DACH2: variants seen among roughly 807,000 people sequenced by gnomAD.
DACH2 encodes dachshund homolog 2.
Under a neutral mutation model 35.8 loss-of-function variants are expected in DACH2, and 17 were observed. That is an observed-to-expected ratio of 0.48 (90% confidence interval 0.33 to 0.71). DACH2 has a LOEUF of 0.71. Ranked by LOEUF, DACH2 falls within the 30% of genes least tolerant of loss-of-function variation. DACH2 has a pLI of 0.02. For synonymous variants in DACH2, 195 were observed against 177.3 expected (o/e 1.10, Z -0.79); for missense variants, 469 against 472.7 (o/e 0.99, Z 0.07).
chrX:86,577,351 C>A (rs182027947), intron 3 of DACH2, among the ~76,000 whole-genome samples: 2 of 110,663 alleles, frequency 1.8e-5, no homozygotes, highest in Non-Finnish European at 3.8e-5. Context: ...TTCTTTATAG[C>A]AAAATTCTCT....
chrX:86,578,214 G>C (rs1050582932), intron 3 of DACH2, among the ~76,000 whole-genome samples: 4 of 110,867 alleles, frequency 3.6e-5, no homozygotes, highest in Admixed American at 9.6e-5. Context: ...AAATTCAGCT[G>C]GTGTCACTGC....
intron 1 of DACH2, among the ~76,000 whole-genome samples, chrX:86,340,415 G>A (rs1394771969): frequency 1.8e-5 from 2 of 111,510 alleles, no homozygotes; most frequent in African/African-American, 6.5e-5. Flanking sequence ...CCACAGCAGT[G>A]TAAATGGCAA....
intron 11 of DACH2, chrX:86,828,025 T>C (rs2042578520): frequency 7.4e-6 from 2 of 271,330 alleles, no homozygotes; most frequent in African/African-American, 1.2e-4. Flanking sequence ...CTTTAACCTC[T>C]TTCTTTCAAG....
At chrX:86,622,343 G>A (rs1006790550) in intron 3 of DACH2, among the ~76,000 whole-genome samples, 5 of 111,492 alleles carry the variant, frequency 4.5e-5, no homozygotes, top group Non-Finnish European at 9.4e-5. Flanking sequence ...GTTAGCTTTT[G>A]ATCTCAGCCT....
chrX:86,749,302 A>G (rs942223481), intron 7 of DACH2, among the ~76,000 whole-genome samples: 2 of 112,111 alleles, frequency 1.8e-5, no homozygotes, highest in Non-Finnish European at 3.8e-5. Context: ...CTTTCAGCCT[A>G]TCTTGGCTTT....
intron 3 of DACH2, among the ~76,000 whole-genome samples, chrX:86,539,307 G>A (rs1460152257): frequency 9.0e-6 from 1 of 111,215 alleles, no homozygotes; most frequent in Non-Finnish European, 1.9e-5. Context: ...TAAGTTTCCT[G>A]AGGTCTCCTC....
chrX:86,168,122 A>G (rs970188234), intron 1 of DACH2, among the ~76,000 whole-genome samples: 2 of 111,622 alleles, frequency 1.8e-5, no homozygotes, highest in Non-Finnish European at 3.8e-5. Flanking sequence ...GATCTGTGCA[A>G]TGTTGAAAGT....
intron 4 of DACH2, among the ~76,000 whole-genome samples, chrX:86,667,610 AAGAAAGGC>A (rs1201597984): frequency 2.3e-4 from 22 of 96,213 alleles, no homozygotes; most frequent in Non-Finnish European, 3.1e-4. Context: ...GAAAGAAAGA[AAGAAAGGC>A]AGGCAGGCCC....
In DACH2 at chrX:86,813,140, A is replaced by G. The variant is rs774223472; in HGVS notation, c.1400A>G (p.Lys467Arg). The change falls in exon 9 of 12, where the codon AAA (lysine) becomes AGA (arginine). Residue 467 changes from lysine to arginine, a missense_variant. This residue lies in a region of DACH2 where 363 missense variants were observed against 334.4 expected (regional missense o/e 1.09). Transcript: ENST00000373125. ...CCTGTACCTTGACAGGGTCTGCTGA[A>G]AGTTGCTTTGGATAATGCTCGCATC... ...TLLTNIQGLL[K>R]VALDNARIQE... The G allele has an allele frequency of 8.3e-7, 1 of 1,205,236 alleles. No homozygotes were observed. The highest frequency in any genetic ancestry group is 3.0e-5 in the East Asian group (1 of 33,645).
intron 1 of DACH2, among the ~76,000 whole-genome samples, chrX:86,221,955 GAGAA>G (rs2032722174): frequency 8.9e-6 from 1 of 111,990 alleles, no homozygotes; most frequent in South Asian, 3.7e-4. Flanking sequence ...CATGCTGGGA[GAGAA>G]AGAGAGAGAC....
rs764980235 is a variant in DACH2, at chrX:86,483,141, TA to T, written c.528-31128del. 1.3e-3 allele frequency among the ~76,000 whole-genome samples: 92 copies of T among 73,183 alleles called. 1 individual carries two copies. The highest frequency in any genetic ancestry group is 7.2e-3 in the Middle Eastern group (1 of 139). 63.6% of individuals were successfully genotyped at this position (73,183 alleles called of 115,157 possible). A position where few individuals can be genotyped will look rare whatever the true frequency, so the allele number is the denominator to read the frequency against. ...TACCCTAAAACTTAAAGTATAATAA[TA>T]AAAAAAAAACAAGCATAAAAAAAAA... On this transcript the variant is annotated intron_variant, in intron 2 of 11. Coordinates refer to ENST00000373125, the MANE Select transcript of DACH2 (RefSeq NM_053281.3).
chrX:86,549,022 T>A (rs778062260), intron 3 of DACH2, among the ~76,000 whole-genome samples: 1 of 111,723 alleles, frequency 9.0e-6, no homozygotes, highest in Non-Finnish European at 1.9e-5. Flanking sequence ...CCCTTAAATC[T>A]TGGAGGAGGG....
chrX:86,435,151 C>T (rs964691462), intron 2 of DACH2, among the ~76,000 whole-genome samples: 2 of 111,249 alleles, frequency 1.8e-5, no homozygotes, highest in Non-Finnish European at 1.9e-5. Context: ...TCACAGAATT[C>T]GGTAAGAAAA....
At chrX:86,479,480 G>T (rs183028688) in intron 2 of DACH2, among the ~76,000 whole-genome samples, 1 of 111,440 alleles carries the variant, frequency 9.0e-6, no homozygotes, top group East Asian at 2.8e-4. Flanking sequence ...ACTGCTTGAT[G>T]TCCTATAACT....
At position 86,428,769 on chromosome X, in the gene DACH2, GA is replaced by G. The variant is rs1189079359; in HGVS notation, c.527+51920del. On this transcript the variant is annotated intron_variant, in intron 2 of 11. Transcript: ENST00000373125. Reference sequence around the variant, plus strand: ...TAAGTTTCGATTCACTAGGTTTTTTGAAAAAAAAAAAAATTTCAAACTCTTT... The same window carrying G: ...TAAGTTTCGATTCACTAGGTTTTTTGAAAAAAAAAAAATTTCAAACTCTTT... Among the ~76,000 whole-genome samples the G allele has an allele frequency of 7.5e-3, 736 of 98,415 alleles. 17 individuals carry two copies. The highest frequency in any genetic ancestry group is 0.059 in the Admixed American group (537 of 9,090). The allele number at this position is 98,415 out of a possible 115,157, so 85.5% of individuals were successfully genotyped here.
At chrX:86,388,803 A>C (rs761996410) in intron 2 of DACH2, among the ~76,000 whole-genome samples, 1 of 111,621 alleles carries the variant, frequency 9.0e-6, no homozygotes, top group South Asian at 3.7e-4. Flanking sequence ...TAGTTAAAAA[A>C]ACTCTGTATG....
chrX:86,158,309 G>GTTTTGT (rs1376919967), intron 1 of DACH2, among the ~76,000 whole-genome samples: 1 of 111,090 alleles, frequency 9.0e-6, no homozygotes, highest in Non-Finnish European at 1.9e-5. Context: ...GTGTATGTGT[G>GTTTTGT]TTTTGTTTTT....
At chrX:86,318,845 T>C (rs986800628) in intron 1 of DACH2, among the ~76,000 whole-genome samples, 10 of 111,542 alleles carry the variant, frequency 9.0e-5, no homozygotes, top group African/African-American at 3.3e-4. Flanking sequence ...TATTATGAAA[T>C]AGAATTTTAG....
intron 1 of DACH2, among the ~76,000 whole-genome samples, chrX:86,205,419 T>A (rs1602283069): frequency 1.5e-5 from 1 of 67,640 alleles, no homozygotes; most frequent in African/African-American, 5.8e-5. Flanking sequence ...CTTTCCTTCC[T>A]TCCTTCCCTC....
Sources: allele counts gnomAD v4.1 joint callset (sites outside exome capture counted in the v4.1 genomes callset), GRCh38; gene constraint gnomAD v4.1.1; regional missense constraint gnomAD v4.1.1; transcripts MANE v1.5; gene names NCBI Gene and HGNC (gene_info 2026-07-23, HGNC 2026-07-21).